The following TERF2 variants were observed in gnomAD, a reference collection of about 807,000 sequenced individuals.
TERF2 encodes the protein telomeric repeat binding factor 2, also known as telomeric repeat-binding factor 2.
TERF2 carries 16 observed loss-of-function variants against 56.1 expected under a neutral mutation model. That is an observed-to-expected ratio of 0.29 (90% CI 0.19 to 0.43). The LOEUF (loss-of-function observed/expected upper bound fraction) is 0.43. Among genes scored for constraint, TERF2 ranks in the 20% least tolerant of loss-of-function variants. The pLI is 1.00. For synonymous variants in TERF2, 296 were observed against 282.1 expected (o/e 1.05, Z -0.50); for missense variants, 547 against 712.9 (o/e 0.77, Z 2.65).
intron 1 of TERF2, 32 bp downstream of exon 1, chr16:69,385,561 C>CA: frequency 6.8e-7 from 1 of 1,470,664 alleles, no homozygotes; most frequent in Non-Finnish European, 9.5e-7. Context: ...TTCCCCGGCG[C>CA]TCCAACCCCC....
chr16:69,362,844 G>A (rs897966444), intron 7 of TERF2, among the ~76,000 whole-genome samples: 4 of 152,174 alleles, frequency 2.6e-5, no homozygotes, highest in South Asian at 2.1e-4. Context: ...CAAATGACCC[G>A]CAAAAGTTAA....
intron 8 of TERF2, among the ~76,000 whole-genome samples, chr16:69,358,741 T>A (rs2142702777): frequency 6.6e-6 from 1 of 152,296 alleles, no homozygotes; most frequent in South Asian, 2.1e-4. Context: ...CTTTCTCAAC[T>A]TTTAAAGGAC....
chr16:69,368,476 T>C lies in TERF2; in HGVS notation c.847A>G (p.Lys283Glu). The change falls in exon 6 of 10, where the codon AAA (lysine) becomes GAA (glutamate). Residue 283 changes from lysine (K) to glutamate (E), a missense_variant. Physicochemically the swap from Lys to Glu is moderately conservative, Grantham distance 56. Coordinates refer to ENST00000254942, the MANE Select transcript of TERF2 (RefSeq NM_005652.5). ...GCGGACTCAGATTTCAAAGCCTTTT[T>C]GGCCATCTGGGAAAGGAAGGATGTC... Reference protein sequence around the residue: ...DAEPYLLTMAKKALKSESAAS... With the variant: ...DAEPYLLTMAEKALKSESAAS... 6.2e-7 allele frequency: 1 copy of C among 1,614,182 alleles called. No homozygotes were observed. The highest frequency in any genetic ancestry group is 8.5e-7 in the Non-Finnish European group (1 of 1,180,030).
At chr16:69,380,655 TAA>T (rs771517864) in intron 3 of TERF2, among the ~76,000 whole-genome samples, 34 of 128,726 alleles carry the variant, frequency 2.6e-4, no homozygotes, top group Admixed American at 3.1e-4. Flanking sequence ...AGACTACGTC[TAA>T]AAAAAAAAAA....
intron 3 of TERF2, among the ~76,000 whole-genome samples, chr16:69,375,615 GTTTTT>G (rs886695600): frequency 2.0e-5 from 3 of 151,432 alleles, no homozygotes; most frequent in African/African-American, 7.3e-5. Context: ...TATAGTTAGG[GTTTTT>G]TTTTAATTAA....
Position 69,367,166 on chromosome 16 carries a change from C to G in TERF2, c.981G>C (p.Met327Ile), listed in dbSNP as rs141046852. 1.9e-6 allele frequency: 3 copies of G among 1,613,842 alleles called. No individual in the cohort carries two copies. The highest frequency in any genetic ancestry group is 2.2e-5 in the East Asian group (1 of 44,884). ...QLRNPPTTIG[M>I]MTLKAAFKTL... ...TCTTGAAAGCTGCTTTCAGAGTCAT[C>G]ATTCCAATGGTGGTTGGAGGATTCC... The change falls in exon 7 of 10, where the codon ATG becomes ATC. Residue 327 changes from methionine (M) to isoleucine (I), a missense_variant. Physicochemically the swap from Met to Ile is conservative, Grantham distance 10. Coordinates refer to ENST00000254942, the MANE Select transcript of TERF2 (RefSeq NM_005652.5).
chr16:69,383,311 A>G lies in TERF2; in HGVS notation c.606+1269T>C, dbSNP rs76130139. On this transcript the variant is annotated intron_variant, in intron 3 of 9. Transcript: ENST00000254942. ...TTTTTGGATTTGGGATGCTCAAACT[A>G]AATTTAATGCAAATATTCCAAAATC... Among the ~76,000 whole-genome samples the G allele has an allele frequency of 4.6e-3, 694 of 152,344 alleles. 3 individuals carry two copies. Among genetic ancestry groups the G allele is most frequent in the African/African-American group, 0.016 (680 of 41,578 alleles).
In TERF2 at chr16:69,355,789, G is replaced by A. The variant is rs1453476986; in HGVS notation, c.*1109C>T. 4 of 162,352 alleles carry A rather than the reference G, an allele frequency of 2.5e-5. No homozygotes were observed. Among genetic ancestry groups the A allele is most frequent in the Non-Finnish European group, 5.4e-5 (4 of 73,812 alleles). The allele number at this position is 162,352 out of a possible 1,614,324, so 10.1% of individuals were successfully genotyped here. ...GAACACAGCACAATTAGGGAATCAG[G>A]AGGAAGCAACCATTTCACAAAGAAT... On this transcript the variant is annotated 3_prime_UTR_variant, in exon 10 of 10. Transcript: ENST00000254942.
chr16:69,380,006 T>A (rs2013936470), intron 3 of TERF2, among the ~76,000 whole-genome samples: 1 of 151,968 alleles, frequency 6.6e-6, no homozygotes, highest in Non-Finnish European at 1.5e-5. Context: ...CCTCGCCTCC[T>A]GGGTTCAAGC....
intron 3 of TERF2, among the ~76,000 whole-genome samples, chr16:69,383,076 T>A (rs1291189142): frequency 6.6e-6 from 1 of 152,054 alleles, no homozygotes; most frequent in Non-Finnish European, 1.5e-5. Flanking sequence ...TAATAATAAA[T>A]ACGCAGCTGA....
Position 69,385,769 on chromosome 16 carries a change from G to T in TERF2, c.203C>A (p.Ala68Asp). ...CCCCGGCTCGTGGCGCCCCCGCCGG[G>T]CCCGCCCGCTACTGCGGGACGCCCG... ...GRRASRSSGR[A>D]RRGRHEPGLG... is the part of the protein sequence containing the mutation. Residue 68 changes from alanine to aspartate, a missense_variant, in exon 1 of 10, where the codon GCC (alanine) becomes GAC (aspartate). This residue lies in a region of TERF2 where 120 missense variants were observed against 172.4 expected (regional missense o/e 0.70). Transcript: ENST00000254942. 1 of 1,334,258 alleles carries T rather than the reference G, an allele frequency of 7.5e-7. No homozygotes were observed. The highest frequency in any genetic ancestry group is 2.0e-5 in the South Asian group (1 of 49,798). The allele number at this position is 1,334,258 out of a possible 1,614,324, so 82.7% of individuals were successfully genotyped here. A position where few individuals can be genotyped will look rare whatever the true frequency, so the allele number is the denominator to read the frequency against.
At chr16:69,383,119 A>T (rs1174902750) in intron 3 of TERF2, among the ~76,000 whole-genome samples, 1 of 152,204 alleles carries the variant, frequency 6.6e-6, no homozygotes, top group Non-Finnish European at 1.5e-5. Flanking sequence ...CTTCCAGAAG[A>T]GGGGCCAGAT....
chr16:69,358,294 T>C (rs2012995813), intron 8 of TERF2, among the ~76,000 whole-genome samples: 1 of 152,090 alleles, frequency 6.6e-6, no homozygotes, highest in Non-Finnish European at 1.5e-5. Flanking sequence ...ATTACAGGCA[T>C]GAGCCACCGT....
intron 5 of TERF2, among the ~76,000 whole-genome samples, chr16:69,370,042 A>G (rs1023812448): frequency 6.6e-6 from 1 of 151,912 alleles, no homozygotes; most frequent in Non-Finnish European, 1.5e-5. Flanking sequence ...TTATTTATTT[A>G]TTTTTTGAGA....
In TERF2 at chr16:69,372,199, T is replaced by C. The variant is rs1046743115; in HGVS notation, c.693+70A>G. ...AAGTAATATTCCTGACCAAGAACCCTTTCCCTATTTCCCCACAAAAAGCAA... is the reference window on the plus strand; with the variant it reads ...AAGTAATATTCCTGACCAAGAACCCCTTCCCTATTTCCCCACAAAAAGCAA... On this transcript the variant is annotated intron_variant, in intron 4 of 9. Coordinates refer to ENST00000254942, the MANE Select transcript of TERF2 (RefSeq NM_005652.5). 2.9e-5 allele frequency: 32 copies of C among 1,116,520 alleles called. No homozygotes were observed. In the Middle Eastern group the frequency reaches 1.2e-3, roughly 42 times the overall value. The allele number at this position is 1,116,520 out of a possible 1,614,324, so 69.2% of individuals were successfully genotyped here.
intron 3 of TERF2, among the ~76,000 whole-genome samples, chr16:69,374,067 C>T (rs1240366943): frequency 6.6e-6 from 1 of 152,182 alleles, no homozygotes. Flanking sequence ...CAAAGTAAGT[C>T]TTCATTTTAC....
intron 8 of TERF2, among the ~76,000 whole-genome samples, chr16:69,359,265 C>A (rs1025818864): frequency 1.3e-5 from 2 of 152,150 alleles, no homozygotes; most frequent in Admixed American, 1.3e-4. Flanking sequence ...TGGTGGCTCA[C>A]GCCTGTAATC....
At position 69,356,391 on chromosome 16, in the gene TERF2, G is replaced by A. The variant is rs958210074; in HGVS notation, c.*507C>T. On this transcript the variant is annotated 3_prime_UTR_variant, in exon 10 of 10. Coordinates refer to ENST00000254942, the MANE Select transcript of TERF2 (RefSeq NM_005652.5). ...CCTGTCATCTCTGCCAAGGACATGG[G>A]TGGACTTGGCTCTGCTTCTTAGCTC... The A allele has an allele frequency of 6.3e-6, 2 of 316,092 alleles. No homozygotes were observed. The highest frequency in any genetic ancestry group is 2.2e-5 in the African/African-American group (1 of 45,216). The allele number at this position is 316,092 out of a possible 1,614,324, so 19.6% of individuals were successfully genotyped here.
At chr16:69,368,725 G>A in intron 5 of TERF2, 1 of 883,480 alleles carries the variant, frequency 1.1e-6, no homozygotes, top group Non-Finnish European at 1.6e-6. Context: ...CGCCCAGGCT[G>A]CAGCACAGTG....
Sources: allele counts gnomAD v4.1 joint callset (sites outside exome capture counted in the v4.1 genomes callset), GRCh38; gene constraint gnomAD v4.1.1; regional missense constraint gnomAD v4.1.1; transcripts MANE v1.5; gene names NCBI Gene and HGNC (gene_info 2026-07-23, HGNC 2026-07-21).